The following NLGN1 variants were observed in gnomAD, a reference collection of about 807,000 sequenced individuals.
NLGN1 encodes neuroligin 1, also known as neuroligin-1.
NLGN1 carries 12 observed loss-of-function variants against 65.5 expected under a neutral mutation model. The observed-to-expected ratio is 0.18, with a 90% CI of 0.12 to 0.30. The LOEUF is 0.30. NLGN1 is among the 10% of genes least tolerant of loss of function. The pLI, the probability that NLGN1 is intolerant of heterozygous loss-of-function variation, is 1.00. For synonymous variants in NLGN1, 350 were observed against 359.5 expected, an observed-to-expected ratio of 0.97 and a Z score of 0.30; for missense variants, 750 against 1,007.1, an observed-to-expected ratio of 0.74 and a Z score of 3.46.
chr3:173,645,535 C>T (rs1024407932), intron 3 of NLGN1, among the ~76,000 whole-genome samples: 3 of 152,192 alleles, frequency 2.0e-5, no homozygotes, highest in Non-Finnish European at 4.4e-5. Context: ...CACAGTGGCC[C>T]AGTTGAGAAT....
chr3:174,143,569 A>G (rs1722674419), intron 4 of NLGN1, among the ~76,000 whole-genome samples: 1 of 152,188 alleles, frequency 6.6e-6, no homozygotes, highest in Admixed American at 6.5e-5. Flanking sequence ...CTTCTATTAC[A>G]TGAAAGCTTA....
chr3:173,405,848 A>G (rs1350188468), intron 1 of NLGN1, among the ~76,000 whole-genome samples: 4 of 152,088 alleles, frequency 2.6e-5, no homozygotes, highest in Non-Finnish European at 5.9e-5. Context: ...TTTCAAATGT[A>G]TGTTTAGGCT....
intron 2 of NLGN1, among the ~76,000 whole-genome samples, chr3:173,516,463 C>T (rs1733834657): frequency 6.6e-6 from 1 of 152,038 alleles, no homozygotes; most frequent in South Asian, 2.1e-4. Context: ...CTTTTTGTAT[C>T]AGCTAATGGT....
intron 4 of NLGN1, among the ~76,000 whole-genome samples, chr3:173,862,063 C>G (rs908466004): frequency 6.6e-6 from 1 of 151,906 alleles, no homozygotes; most frequent in African/African-American, 2.4e-5. Context: ...GCCACCACAC[C>G]CGGCCAATTT....
intron 3 of NLGN1, among the ~76,000 whole-genome samples, chr3:173,786,585 A>G (rs1782009026): frequency 6.6e-6 from 1 of 152,152 alleles, no homozygotes; most frequent in Non-Finnish European, 1.5e-5. Flanking sequence ...ATATACATAA[A>G]TATGTGTAGT....
intron 1 of NLGN1, among the ~76,000 whole-genome samples, chr3:173,405,782 A>G (rs1305759067): frequency 2.6e-5 from 4 of 152,152 alleles, no homozygotes; most frequent in African/African-American, 7.2e-5. Flanking sequence ...AGACTCTTCT[A>G]GTAACTCTCT....
chr3:174,189,244 G>A (rs1012979737), intron 4 of NLGN1, among the ~76,000 whole-genome samples: 1 of 151,942 alleles, frequency 6.6e-6, no homozygotes, highest in Admixed American at 6.6e-5. Context: ...AAGACGCAGA[G>A]CAAAGTATAC....
At chr3:173,735,329 T>C (rs1481371657) in intron 3 of NLGN1, among the ~76,000 whole-genome samples, 1 of 152,126 alleles carries the variant, frequency 6.6e-6, no homozygotes, top group Non-Finnish European at 1.5e-5. Flanking sequence ...CCCTTGCACA[T>C]GGAACTACTG....
intron 4 of NLGN1, among the ~76,000 whole-genome samples, chr3:173,991,078 T>G (rs1258743370): frequency 6.6e-6 from 1 of 152,078 alleles, no homozygotes; most frequent in Non-Finnish European, 1.5e-5. Flanking sequence ...ACAAAGTCCA[T>G]AGTTTATATT....
chr3:173,912,332 T>C, intron 4 of NLGN1, among the ~76,000 whole-genome samples: 1 of 152,126 alleles, frequency 6.6e-6, no homozygotes, highest in Admixed American at 6.6e-5. Context: ...TTCTATGACA[T>C]AGAGGAGAAA....
intron 4 of NLGN1, among the ~76,000 whole-genome samples, chr3:173,809,808 A>G (rs1336308394): frequency 6.6e-6 from 1 of 152,218 alleles, no homozygotes; most frequent in Admixed American, 6.5e-5. Flanking sequence ...TTGCAAGGCA[A>G]TGGATTAACT....
At chr3:173,669,304 A>C (rs1357197321) in intron 3 of NLGN1, among the ~76,000 whole-genome samples, 1 of 152,202 alleles carries the variant, frequency 6.6e-6, no homozygotes, top group African/African-American at 2.4e-5. Context: ...AAAGTACCAC[A>C]AACTGGGTGG....
At chr3:173,549,994 C>T (rs766004) in intron 2 of NLGN1, among the ~76,000 whole-genome samples, 77,722 of 151,634 alleles carry the variant, frequency 0.51, 19,632 homozygotes, top group East Asian at 0.8. Flanking sequence ...TAGAAGATGA[C>T]GAGGAGATTA....
chr3:174,252,527 T>C (rs1054898511), intron 4 of NLGN1, among the ~76,000 whole-genome samples: 1 of 152,108 alleles, frequency 6.6e-6, no homozygotes, highest in Non-Finnish European at 1.5e-5. Context: ...AGCACTGGAC[T>C]AGAAAACAGA....
At chr3:173,851,212 T>C (rs917148837) in intron 4 of NLGN1, among the ~76,000 whole-genome samples, 4 of 152,190 alleles carry the variant, frequency 2.6e-5, no homozygotes, top group Admixed American at 6.5e-5. Flanking sequence ...TTTTAGAACA[T>C]TTCATCAAAT....
intron 4 of NLGN1, among the ~76,000 whole-genome samples, chr3:173,852,922 G>A (rs1727254815): frequency 6.6e-6 from 1 of 152,206 alleles, no homozygotes; most frequent in Non-Finnish European, 1.5e-5. Flanking sequence ...TACTGATAGA[G>A]CGTAGATAAA....
intron 3 of NLGN1, among the ~76,000 whole-genome samples, chr3:173,692,244 G>A (rs1209960833): frequency 6.6e-6 from 1 of 151,986 alleles, no homozygotes; most frequent in Non-Finnish European, 1.5e-5. Context: ...TATTCTGCTG[G>A]TAGATGTTAT....
chr3:173,749,278 G>C (rs1411588807), intron 3 of NLGN1, among the ~76,000 whole-genome samples: 1 of 151,932 alleles, frequency 6.6e-6, no homozygotes, highest in African/African-American at 2.4e-5. Flanking sequence ...GATTTCCAAA[G>C]TCATTTTTTA....
intron 3 of NLGN1, among the ~76,000 whole-genome samples, chr3:173,778,616 A>G (rs1184077922): frequency 1.3e-5 from 2 of 151,948 alleles, no homozygotes; most frequent in South Asian, 4.1e-4. Flanking sequence ...TGTTACACAA[A>G]GATGATATTA....
Sources: gnomAD v4.1 joint callset for allele counts (sites outside exome capture counted in the v4.1 genomes callset) on GRCh38, gnomAD v4.1.1 for gene constraint, MANE v1.5 for transcripts, NCBI Gene and HGNC (gene_info 2026-07-23, HGNC 2026-07-21) for gene names.